Variants in CFAP44 observed in about 807,000 individuals in gnomAD.
CFAP44 encodes the protein cilia- and flagella-associated protein 44.
CFAP44 carries 134 observed loss-of-function variants against 216.2 expected under a neutral mutation model. The ratio of observed to expected loss-of-function variants is 0.62; its 90% CI spans 0.54 to 0.72. CFAP44 has a LOEUF of 0.72. Ranked by LOEUF, CFAP44 falls within the 30% of genes least tolerant of loss-of-function variation. CFAP44 has a pLI of 0.00. For missense variants in CFAP44, 2,035 were observed against 2,182.1 expected (o/e 0.93, Z 1.34); for synonymous variants, 700 against 727.6 (o/e 0.96, Z 0.61).
Position 113,358,326 on chromosome 3 carries a change from CA to C in CFAP44, c.3065+418del, listed in dbSNP as rs1280333775. Reference sequence around the variant, plus strand: ...ATGTAAATTATATCTCAGTAAATGGCAAAAAAAAACATTCCCCTGGAAGTCA... The same window carrying C: ...ATGTAAATTATATCTCAGTAAATGGCAAAAAAAACATTCCCCTGGAAGTCA... On this transcript the variant is annotated intron_variant, in intron 22 of 34. Coordinates refer to ENST00000393845, the MANE Select transcript of CFAP44 (RefSeq NM_001164496.2). 1.0e-4 allele frequency among the ~76,000 whole-genome samples: 15 copies of C among 148,276 alleles called. 1 individual carries two copies. In the South Asian group the frequency reaches 1.5e-3, roughly 15 times the overall value.
intron 22 of CFAP44, among the ~76,000 whole-genome samples, chr3:113,356,027 T>C (rs528792061): frequency 6.7e-6 from 1 of 149,884 alleles, no homozygotes; most frequent in Admixed American, 6.7e-5. Flanking sequence ...ACATATTATA[T>C]ATAAAATGTA....
At chr3:113,316,039 T>C (rs879028229) in intron 28 of CFAP44, among the ~76,000 whole-genome samples, 2 of 152,230 alleles carry the variant, frequency 1.3e-5, no homozygotes. Flanking sequence ...ATAGATCATA[T>C]GTTAGACCAT....
chr3:113,410,661 C>A (rs1934440591), intron 6 of CFAP44, among the ~76,000 whole-genome samples: 1 of 152,070 alleles, frequency 6.6e-6, no homozygotes, highest in South Asian at 2.1e-4. Context: ...GGGTATATAC[C>A]CAGTAATGGG....
chr3:113,386,264 C>G (rs1453609514), intron 15 of CFAP44, among the ~76,000 whole-genome samples: 1 of 152,134 alleles, frequency 6.6e-6, no homozygotes, highest in South Asian at 2.1e-4. Flanking sequence ...CTTTTTTCAT[C>G]TCTTCACTTT....
intron 1 of CFAP44, among the ~76,000 whole-genome samples, chr3:113,440,174 G>A (rs1474401765): frequency 1.3e-5 from 2 of 151,938 alleles, no homozygotes; most frequent in Non-Finnish European, 2.9e-5. Context: ...AGCGATTCTC[G>A]TGCCTCAGCC....
At chr3:113,319,481 A>T (rs924594246) in intron 28 of CFAP44, among the ~76,000 whole-genome samples, 5 of 152,214 alleles carry the variant, frequency 3.3e-5, no homozygotes, top group Non-Finnish European at 5.9e-5. Flanking sequence ...ACCACACAAT[A>T]ATAGTGTGAG....
chr3:113,345,026 T>A (rs1950367277), intron 22 of CFAP44, among the ~76,000 whole-genome samples: 1 of 149,574 alleles, frequency 6.7e-6, no homozygotes, highest in African/African-American at 2.4e-5. Flanking sequence ...ATAGATCATA[T>A]CAAATTCTGA....
intron 32 of CFAP44, among the ~76,000 whole-genome samples, chr3:113,301,061 G>A (rs1161780842): frequency 1.3e-5 from 2 of 151,992 alleles, no homozygotes; most frequent in Non-Finnish European, 2.9e-5. Context: ...AATTTTCATA[G>A]CAGAATCATC....
At chr3:113,372,431 G>A (rs1003064558) in intron 18 of CFAP44, among the ~76,000 whole-genome samples, 2 of 152,150 alleles carry the variant, frequency 1.3e-5, no homozygotes, top group South Asian at 4.1e-4. Flanking sequence ...CCTTTGCAGG[G>A]ACATGGATGA....
intron 22 of CFAP44, among the ~76,000 whole-genome samples, chr3:113,351,650 T>G (rs935548305): frequency 3.9e-5 from 6 of 152,222 alleles, no homozygotes; most frequent in Admixed American, 3.9e-4. Context: ...TAGTACGAGA[T>G]GCCAACCGGC....
intron 15 of CFAP44, among the ~76,000 whole-genome samples, chr3:113,382,095 A>G (rs1933530437): frequency 1.3e-5 from 2 of 152,202 alleles, no homozygotes. Flanking sequence ...TGCTTTTATA[A>G]GAAAATTGTG....
At chr3:113,306,565 C>G (rs1281550796) in intron 29 of CFAP44, among the ~76,000 whole-genome samples, 1 of 152,140 alleles carries the variant, frequency 6.6e-6, no homozygotes, top group Non-Finnish European at 1.5e-5. Context: ...AGGCTTTGTG[C>G]TAAGCCCTTT....
At chr3:113,300,701 G>C (rs970462897) in intron 32 of CFAP44, among the ~76,000 whole-genome samples, 3 of 151,720 alleles carry the variant, frequency 2.0e-5, no homozygotes, top group African/African-American at 7.3e-5. Context: ...TACATGAACA[G>C]ACATTTTATA....
In CFAP44 at chr3:113,350,996, C is replaced by T. The variant is rs563486576; in HGVS notation, c.3066-6284G>A. On this transcript the variant is annotated intron_variant, in intron 22 of 34. Coordinates refer to ENST00000393845, the MANE Select transcript of CFAP44 (RefSeq NM_001164496.2). ...AGGACAATAGATGGTTCCTCCTGGGCGATTGAGGGAAAAAGACTCAATGGG... is the reference window on the plus strand; with the variant it reads ...AGGACAATAGATGGTTCCTCCTGGGTGATTGAGGGAAAAAGACTCAATGGG... 6.1e-4 allele frequency among the ~76,000 whole-genome samples: 92 copies of T among 152,004 alleles called. 1 individual carries two copies. Among genetic ancestry groups the T allele is most frequent in the Admixed American group, 2.4e-3 (36 of 15,272 alleles).
chr3:113,294,464 C>T (rs774620477), intron 34 of CFAP44: 210 of 501,702 alleles, frequency 4.2e-4, no homozygotes, highest in Non-Finnish European at 6.5e-4. Context: ...TTAGTACTTA[C>T]GTGAGTTCAT....
At chr3:113,316,061 C>T (rs1236144895) in intron 28 of CFAP44, among the ~76,000 whole-genome samples, 1 of 152,192 alleles carries the variant, frequency 6.6e-6, no homozygotes, top group Non-Finnish European at 1.5e-5. Flanking sequence ...AAACAAACCT[C>T]AACAATTACA....
chr3:113,317,414 T>G (rs1950098753), intron 28 of CFAP44, among the ~76,000 whole-genome samples: 1 of 151,758 alleles, frequency 6.6e-6, no homozygotes, highest in Non-Finnish European at 1.5e-5. Context: ...CCTTTGGGAC[T>G]GGGGCACATC....
At chr3:113,367,643 G>C (rs904693996) in intron 18 of CFAP44, among the ~76,000 whole-genome samples, 21 of 152,204 alleles carry the variant, frequency 1.4e-4, no homozygotes, top group South Asian at 1.2e-3. Flanking sequence ...GAGCAGAAAA[G>C]CTGAAAATTC....
chr3:113,349,564 T>C (rs1044214375), intron 22 of CFAP44, among the ~76,000 whole-genome samples: 11 of 152,154 alleles, frequency 7.2e-5, no homozygotes, highest in Non-Finnish European at 1.5e-5. Context: ...TTAAAAAAGA[T>C]TGTCCAATGA....
Sources: allele counts gnomAD v4.1 joint callset (sites outside exome capture counted in the v4.1 genomes callset), GRCh38; gene constraint gnomAD v4.1.1; transcripts MANE v1.5; gene names NCBI Gene and HGNC (gene_info 2026-07-23, HGNC 2026-07-21).